Variants in ROBO2 observed in about 807,000 individuals in gnomAD.
ROBO2 encodes the protein roundabout guidance receptor 2.
Under a neutral mutation model 160.8 loss-of-function variants are expected in ROBO2, and 53 were observed. That is an observed-to-expected ratio of 0.33 (90% CI 0.26 to 0.41). ROBO2 has a LOEUF of 0.41. Ranked by LOEUF, ROBO2 falls within the 10% of genes least tolerant of loss-of-function variation. The pLI is 1.00. For synonymous variants in ROBO2, 664 were observed against 611.7 expected, an observed-to-expected ratio of 1.09 and a Z score of -1.26; for missense variants, 1,577 against 1,722.4, an observed-to-expected ratio of 0.92 and a Z score of 1.49.
intron 2 of ROBO2, among the ~76,000 whole-genome samples, chr3:76,475,309 G>T (rs2107185043): frequency 6.6e-6 from 1 of 152,136 alleles, no homozygotes; most frequent in South Asian, 2.1e-4. Context: ...TTCAGGGACT[G>T]CTGGAAAAAA....
At chr3:75,993,521 T>C (rs1312338800) in intron 2 of ROBO2, among the ~76,000 whole-genome samples, 1 of 152,184 alleles carries the variant, frequency 6.6e-6, no homozygotes, top group African/African-American at 2.4e-5. Context: ...ATGTCTTTAT[T>C]AGAAGCAAGA....
chr3:76,767,153 A>G (rs919852342), intron 2 of ROBO2, among the ~76,000 whole-genome samples: 1 of 151,590 alleles, frequency 6.6e-6, no homozygotes. Flanking sequence ...TCTCCTTTGT[A>G]TTAACCCTTC....
intron 2 of ROBO2, among the ~76,000 whole-genome samples, chr3:76,029,005 A>T (rs2066831954): frequency 6.6e-6 from 1 of 152,014 alleles, no homozygotes; most frequent in Admixed American, 6.6e-5. Flanking sequence ...TTTTCTTGTT[A>T]TGCAAATATC....
chr3:76,922,591 G>T (rs1428305018), intron 2 of ROBO2, among the ~76,000 whole-genome samples: 1 of 152,196 alleles, frequency 6.6e-6, no homozygotes, highest in Admixed American at 6.5e-5. Context: ...GAAGAACAGT[G>T]TACCAGGAAG....
At chr3:77,111,089 T>C (rs1463019119) in intron 2 of ROBO2, among the ~76,000 whole-genome samples, 1 of 152,106 alleles carries the variant, frequency 6.6e-6, no homozygotes, top group Non-Finnish European at 1.5e-5. Flanking sequence ...ACAAAATTAA[T>C]AAATTTGACT....
At chr3:77,147,755 G>T (rs1195778279) in intron 2 of ROBO2, among the ~76,000 whole-genome samples, 2 of 152,114 alleles carry the variant, frequency 1.3e-5, no homozygotes, top group Non-Finnish European at 2.9e-5. Flanking sequence ...TTGTGCAAAA[G>T]TTACACAGGC....
At position 76,146,736 on chromosome 3, in the gene ROBO2, G is replaced by T. The variant is rs1187463386; in HGVS notation, c.109+209134G>T. On this transcript the variant is annotated intron_variant, in intron 2 of 26. Transcript: ENST00000487694. ...TGTGTGTGTGTGTGTGTCTGGTGGA[G>T]GGGAGAGGTGGGTATCCTCATATCA... 2.0e-5 allele frequency among the ~76,000 whole-genome samples: 3 copies of T among 146,410 alleles called. No homozygotes were observed. In the East Asian group the frequency reaches 6.4e-4, roughly 31 times the overall value.
chr3:76,890,727 A>G (rs1479281345), intron 2 of ROBO2, among the ~76,000 whole-genome samples: 1 of 152,176 alleles, frequency 6.6e-6, no homozygotes, highest in African/African-American at 2.4e-5. Context: ...ACTAGTAACA[A>G]TGCTAGCATT....
At chr3:77,456,133 A>T (rs2081614189) in intron 2 of ROBO2, among the ~76,000 whole-genome samples, 1 of 152,208 alleles carries the variant, frequency 6.6e-6, no homozygotes, top group Admixed American at 6.5e-5. Flanking sequence ...ATCATAGCAC[A>T]TTCTATAGAA....
At chr3:76,298,432 A>G (rs1281477443) in intron 2 of ROBO2, among the ~76,000 whole-genome samples, 1 of 152,156 alleles carries the variant, frequency 6.6e-6, no homozygotes, top group Non-Finnish European at 1.5e-5. Context: ...ACCTCATTCT[A>G]AGCCCCATTT....
intron 2 of ROBO2, among the ~76,000 whole-genome samples, chr3:76,328,046 G>A (rs2107981864): frequency 6.6e-6 from 1 of 152,194 alleles, no homozygotes; most frequent in East Asian, 1.9e-4. Context: ...AGAAAGAAGA[G>A]AAAGAAGCCT....
rs1303661817 is a variant in ROBO2, at chr3:77,253,089, G to T, written c.388+154749G>T. Among the ~76,000 whole-genome samples, 3 of 151,922 alleles carry T rather than the reference G, an allele frequency of 2.0e-5. No individual in the cohort carries two copies. In the East Asian group the frequency reaches 5.8e-4, roughly 29 times the overall value. On this transcript the variant is annotated intron_variant, in intron 2 of 25. Coordinates refer to ENST00000461745, the Ensembl canonical transcript of ROBO2. ...TAAGTAAATTTCTGAGACACCACAG[G>T]GTAAGGGTTCTCAGCTAGCATGTCT...
intron 2 of ROBO2, among the ~76,000 whole-genome samples, chr3:76,755,318 T>G (rs2060906316): frequency 6.6e-6 from 1 of 151,844 alleles, no homozygotes; most frequent in African/African-American, 2.4e-5. Flanking sequence ...ATCTTTGGAT[T>G]ATCAGACCTC....
chr3:77,499,726 G>A (rs2087291774), intron 5 of ROBO2, among the ~76,000 whole-genome samples: 1 of 146,316 alleles, frequency 6.8e-6, no homozygotes, highest in Middle Eastern at 3.8e-3. Context: ...CCGCCTCACT[G>A]CACCCTCCAC....
At chr3:76,018,746 C>T (rs73841073) in intron 2 of ROBO2, among the ~76,000 whole-genome samples, 1,986 of 150,552 alleles carry the variant, frequency 0.013, 33 homozygotes, top group African/African-American at 0.045. Context: ...AAGTTCCATG[C>T]GTATCTGAGA....
intron 2 of ROBO2, among the ~76,000 whole-genome samples, chr3:76,184,542 GAGAT>G (rs78271272): frequency 0.31 from 45,215 of 146,104 alleles, 7,058 homozygotes; most frequent in Non-Finnish European, 0.35. Context: ...GAACAAATAG[GAGAT>G]AGATAGATAG....
At chr3:76,309,072 A>T (rs1456037268) in intron 2 of ROBO2, among the ~76,000 whole-genome samples, 1 of 152,048 alleles carries the variant, frequency 6.6e-6, no homozygotes, top group Non-Finnish European at 1.5e-5. Context: ...ATTGCTAATC[A>T]TGAAATCTGT....
At chr3:76,384,549 C>T (rs1307507070) in intron 2 of ROBO2, among the ~76,000 whole-genome samples, 1 of 152,144 alleles carries the variant, frequency 6.6e-6, no homozygotes, top group African/African-American at 2.4e-5. Flanking sequence ...AGTCTGTTCT[C>T]ATGCTGCTAT....
chr3:76,610,727 G>T (rs149794887), intron 2 of ROBO2, among the ~76,000 whole-genome samples: 9 of 150,802 alleles, frequency 6.0e-5, no homozygotes, highest in Admixed American at 6.6e-5. Context: ...TTTCTCCTGT[G>T]GTCCAGCGAG....
Sources: gnomAD v4.1 joint callset for allele counts (sites outside exome capture counted in the v4.1 genomes callset) on GRCh38, gnomAD v4.1.1 for gene constraint, MANE v1.5 for transcripts, NCBI Gene and HGNC (gene_info 2026-07-23, HGNC 2026-07-21) for gene names.